MAPK10: variants seen among roughly 807,000 people sequenced by gnomAD.
The protein encoded by MAPK10 is JNK3 alpha protein kinase.
In MAPK10, 25 loss-of-function variants were observed where a neutral mutation model predicts 59.3. The observed-to-expected ratio is 0.42, with a 90% CI of 0.31 to 0.59. The LOEUF is 0.59. Ranked by LOEUF, MAPK10 falls within the 20% of genes least tolerant of loss-of-function variation. The pLI is 0.15. For missense variants in MAPK10, 351 were observed against 568.9 expected, an observed-to-expected ratio of 0.62 and a Z score of 3.90; for synonymous variants, 190 against 200.5, an observed-to-expected ratio of 0.95 and a Z score of 0.44.
chr4:86,067,797 C>A lies in MAPK10; in HGVS notation c.961G>T (p.Asp321Tyr). 6.2e-7 allele frequency: 1 copy of A among 1,613,064 alleles called. No individual in the cohort carries two copies. The highest frequency in any genetic ancestry group is 8.5e-7 in the Non-Finnish European group (1 of 1,179,452). Residue 321 changes from aspartate (D) to tyrosine (Y), a missense_variant, in exon 10 of 14, where the codon GAC becomes TAC. By Grantham distance (160) the Asp-to-Tyr change is radical. This residue lies in a region of MAPK10 where 155 missense variants were observed against 204.2 expected (regional missense o/e 0.76). Coordinates refer to ENST00000641462, the MANE Select transcript of MAPK10 (RefSeq NM_138982.4). ...KLFPDSLFPA[D>Y]SEHNKLKASQ... ...CCTTTGAGTTTATTGTGCTCGGAGT[C>A]CGCTGGGAAGAGGGAATCTGGGAAG...
At chr4:86,477,227 G>A (rs770361339) in intron 1 of MAPK10, among the ~76,000 whole-genome samples, 11 of 152,206 alleles carry the variant, frequency 7.2e-5, no homozygotes, top group Middle Eastern at 6.8e-3. Flanking sequence ...CATAACTGTC[G>A]TGGGTATTGA....
In MAPK10 at chr4:86,013,212, A is replaced by G. The variant is rs749808963; in HGVS notation, c.*4016T>C. The G allele has an allele frequency of 8.5e-5, 13 of 152,238 alleles. No homozygotes were observed. The highest frequency in any genetic ancestry group is 1.5e-4 in the Non-Finnish European group (10 of 68,032). 9.4% of individuals were successfully genotyped at this position (152,238 alleles called of 1,614,324 possible). A position where few individuals can be genotyped will look rare whatever the true frequency, so the allele number is the denominator to read the frequency against. On this transcript the variant is annotated 3_prime_UTR_variant, in exon 14 of 14. Transcript: ENST00000641462. Reference sequence around the variant, plus strand: ...AATAACAAAATCTTATCCTCTAATCACAAAGAAAATAGCTAAAATAACTAT... The same window carrying G: ...AATAACAAAATCTTATCCTCTAATCGCAAAGAAAATAGCTAAAATAACTAT...
intron 4 of MAPK10, among the ~76,000 whole-genome samples, chr4:86,134,966 C>T (rs1057276765): frequency 4.6e-5 from 7 of 152,186 alleles, no homozygotes; most frequent in Non-Finnish European, 8.8e-5. Context: ...CTGAATACTG[C>T]GCTTTTCCGA....
At chr4:86,471,066 C>A (rs1752614436) in intron 1 of MAPK10, among the ~76,000 whole-genome samples, 2 of 152,086 alleles carry the variant, frequency 1.3e-5, no homozygotes, top group Middle Eastern at 3.4e-3. Flanking sequence ...GTCAGGAGTT[C>A]AAGACCAGCC....
chr4:86,092,311 G>T (rs1040976126), intron 9 of MAPK10, among the ~76,000 whole-genome samples: 3 of 151,878 alleles, frequency 2.0e-5, no homozygotes, highest in Non-Finnish European at 2.9e-5. Context: ...TTATATCTAT[G>T]CTACCAAAAT....
chr4:86,100,267 GAT>G (rs2055095051), intron 8 of MAPK10: 3 of 152,114 alleles, frequency 2.0e-5, no homozygotes, highest in Admixed American at 2.0e-4. Context: ...TTACTTGTAA[GAT>G]ATAGTCTCAT....
chr4:86,588,156 G>A (rs1253288259), intron 1 of MAPK10, among the ~76,000 whole-genome samples: 1 of 152,090 alleles, frequency 6.6e-6, no homozygotes, highest in African/African-American at 2.4e-5. Flanking sequence ...AATACAGTCT[G>A]GGGGCTCCAT....
At chr4:86,276,706 T>TC (rs1368810313) in intron 2 of MAPK10, among the ~76,000 whole-genome samples, 1 of 152,156 alleles carries the variant, frequency 6.6e-6, no homozygotes, top group East Asian at 1.9e-4. Flanking sequence ...TTGAAGCACT[T>TC]CATGTGTATT....
In MAPK10 at chr4:86,239,269, C is replaced by T. The variant is rs537761338; in HGVS notation, c.-6-44862G>A. ...TTGCCAGTATTTTGTTGAGGATTTT[C>T]GCATCTATGTTCATCAGGGATATTG... On this transcript the variant is annotated intron_variant, in intron 2 of 13. Coordinates refer to ENST00000641462, the MANE Select transcript of MAPK10 (RefSeq NM_138982.4). Among the ~76,000 whole-genome samples, 10 of 152,104 alleles carry T rather than the reference C, an allele frequency of 6.6e-5. No individual in the cohort carries two copies. In the East Asian group the frequency reaches 1.5e-3, roughly 23 times the overall value.
chr4:86,331,342 T>C (rs777370595), intron 2 of MAPK10, among the ~76,000 whole-genome samples: 1 of 152,154 alleles, frequency 6.6e-6, no homozygotes, highest in Non-Finnish European at 1.5e-5. Context: ...TTTTCTCACT[T>C]AGTGGCACGC....
intron 4 of MAPK10, among the ~76,000 whole-genome samples, chr4:86,147,443 C>T (rs2149198619): frequency 6.6e-6 from 1 of 152,266 alleles, no homozygotes; most frequent in South Asian, 2.1e-4. Context: ...TCCTTTAAAT[C>T]TAGTAAAGCT....
chr4:86,468,145 A>G (rs1017412894), intron 1 of MAPK10, among the ~76,000 whole-genome samples: 1 of 152,216 alleles, frequency 6.6e-6, no homozygotes, highest in Non-Finnish European at 1.5e-5. Flanking sequence ...GCTGGCTCCA[A>G]GGTAAAACAT....
chr4:86,414,418 AC>A (rs753411200), intron 1 of MAPK10, among the ~76,000 whole-genome samples: 18 of 152,160 alleles, frequency 1.2e-4, no homozygotes, highest in South Asian at 2.1e-4. Context: ...CTCAGGCCTT[AC>A]GCTAGAAATT....
intron 1 of MAPK10, among the ~76,000 whole-genome samples, chr4:86,356,084 C>T (rs1057406219): frequency 1.3e-5 from 2 of 151,918 alleles, no homozygotes; most frequent in African/African-American, 2.4e-5. Flanking sequence ...TGTACAAACA[C>T]AAGGTAGTGA....
At chr4:86,574,375 T>C (rs1761706447) in intron 1 of MAPK10, among the ~76,000 whole-genome samples, 2 of 151,792 alleles carry the variant, frequency 1.3e-5, no homozygotes, top group Non-Finnish European at 2.9e-5. Context: ...TACGTGTGCA[T>C]GTGTCTTTAT....
At chr4:86,198,269 C>A (rs946833204) in intron 2 of MAPK10, among the ~76,000 whole-genome samples, 3 of 152,058 alleles carry the variant, frequency 2.0e-5, no homozygotes, top group African/African-American at 7.2e-5. Flanking sequence ...AAAGGTCAGG[C>A]ATGATTCCTG....
intron 2 of MAPK10, among the ~76,000 whole-genome samples, chr4:86,208,858 A>C (rs988038429): frequency 6.6e-6 from 1 of 152,170 alleles, no homozygotes; most frequent in Non-Finnish European, 1.5e-5. Context: ...AATTATTTTA[A>C]GCAATAAAAT....
chr4:86,433,741 C>T (rs537541823), intron 1 of MAPK10, among the ~76,000 whole-genome samples: 3 of 151,702 alleles, frequency 2.0e-5, no homozygotes, highest in Non-Finnish European at 4.4e-5. Flanking sequence ...ACGACTAGGC[C>T]GAGCTGTGCC....
chr4:86,481,360 A>C (rs893328795), intron 1 of MAPK10, among the ~76,000 whole-genome samples: 4 of 151,434 alleles, frequency 2.6e-5, no homozygotes, highest in African/African-American at 9.7e-5. Flanking sequence ...AAAGCACCTT[A>C]CTTTGGGGTA....
Sources: gnomAD v4.1 joint callset for allele counts (sites outside exome capture counted in the v4.1 genomes callset) on GRCh38, gnomAD v4.1.1 for gene constraint, gnomAD v4.1.1 regional missense constraint, MANE v1.5 for transcripts, NCBI Gene and HGNC (gene_info 2026-07-23, HGNC 2026-07-21) for gene names.